The following PI4K2B variants were observed in gnomAD, a reference collection of about 807,000 sequenced individuals.
PI4K2B encodes the protein phosphatidylinositol 4-kinase type 2-beta.
A neutral mutation model predicts 56.6 loss-of-function variants in PI4K2B; 46 were observed. The observed-to-expected ratio is 0.81, with a 90% CI of 0.64 to 1.04. The LOEUF is 1.04. PI4K2B is among the 50% of genes least tolerant of loss of function. The pLI is 0.00. For synonymous variants in PI4K2B, 211 were observed against 223.8 expected, an observed-to-expected ratio of 0.94 and a Z score of 0.51; for missense variants, 556 against 607.7, an observed-to-expected ratio of 0.91 and a Z score of 0.89.
At position 25,249,678 on chromosome 4, in the gene PI4K2B, C is replaced by A. The variant is rs146653748; in HGVS notation, c.269-2643C>A. ...CCAGATGGGGTGGCGGCAGGGCAGACACTCCTGGGTTCCCAGACGGGGTGG... is the reference window on the plus strand; with the variant it reads ...CCAGATGGGGTGGCGGCAGGGCAGAAACTCCTGGGTTCCCAGACGGGGTGG... On this transcript the variant is annotated intron_variant, in intron 1 of 9. Transcript: ENST00000264864. Among the ~76,000 whole-genome samples the A allele has an allele frequency of 0.014, 2,128 of 148,160 alleles. 119 individuals carry two copies. The East Asian group carries it at 0.19, about 13-fold the overall frequency.
chr4:25,270,230 G>C (rs921111328), intron 9 of PI4K2B, among the ~76,000 whole-genome samples: 1 of 152,088 alleles, frequency 6.6e-6, no homozygotes, highest in African/African-American at 2.4e-5. Context: ...TGCTAGAGCA[G>C]TCACTAAATA....
intron 3 of PI4K2B, among the ~76,000 whole-genome samples, 196 bp from the exon 4 acceptor site, chr4:25,256,347 C>T (rs1002515254): frequency 1.3e-5 from 2 of 152,240 alleles, no homozygotes; most frequent in Non-Finnish European, 1.5e-5. Flanking sequence ...TTATACCACT[C>T]TCAGAAAGAA....
intron 9 of PI4K2B, chr4:25,276,747 A>G (rs1577702901): frequency 4.1e-6 from 4 of 985,196 alleles, no homozygotes; most frequent in Non-Finnish European, 3.6e-6. Flanking sequence ...CATAGGCAGG[A>G]TATTCTAGAA....
Position 25,234,289 on chromosome 4 carries a change from C to G in PI4K2B, c.126C>G (p.Ala42=). ...RIAWAHPRRG[A]PGSAVRLLDA... Reference sequence around the variant, plus strand: ...CCTGGGCCCACCCGCGGAGAGGCGCCCCAGGCAGCGCCGTGAGGCTGCTGG... The same window carrying G: ...CCTGGGCCCACCCGCGGAGAGGCGCGCCAGGCAGCGCCGTGAGGCTGCTGG... Residue 42 remains alanine (A), a synonymous_variant, in exon 1 of 10, where the codon GCC becomes GCG. Coordinates refer to ENST00000264864, the MANE Select transcript of PI4K2B (RefSeq NM_018323.4). 1 of 1,420,064 alleles carries G rather than the reference C, an allele frequency of 7.0e-7. No homozygotes were observed. The highest frequency in any genetic ancestry group is 2.6e-5 in the Admixed American group (1 of 39,044). The allele number at this position is 1,420,064 out of a possible 1,614,324, so 88.0% of individuals were successfully genotyped here. A position where few individuals can be genotyped will look rare whatever the true frequency, so the allele number is the denominator to read the frequency against.
rs191719829 is a variant in PI4K2B at position 25,270,204 on chromosome 4, C to T, written c.1272+1001C>T. ...CAATAGATTACTTTTTTTCTTTTTT[C>T]GCGGAATGTGGCTTTTGCTAGAGCA... On this transcript the variant is annotated intron_variant, in intron 9 of 9. Coordinates refer to ENST00000264864, the MANE Select transcript of PI4K2B (RefSeq NM_018323.4). Among the ~76,000 whole-genome samples the T allele has an allele frequency of 3.5e-3, 534 of 151,750 alleles. 2 individuals carry two copies. The highest frequency in any genetic ancestry group is 0.012 in the African/African-American group (515 of 41,468).
chr4:25,277,940 T>C lies in PI4K2B; in HGVS notation c.*753T>C, dbSNP rs573144838. The C allele has an allele frequency of 8.3e-4, 126 of 152,314 alleles. No homozygotes were observed. Among genetic ancestry groups the C allele is most frequent in the African/African-American group, 2.7e-3 (113 of 41,576 alleles). 9.4% of individuals were successfully genotyped at this position (152,314 alleles called of 1,614,324 possible). The stretch of plus-strand genomic sequence containing the variant: ...ATTGCCTTAAAAATTCCCTTCTGTT[T>C]CTTACATGGGATCAAATACTTGAGA... On this transcript the variant is annotated 3_prime_UTR_variant, in exon 10 of 10. Transcript: ENST00000264864.
rs558290372 is a variant in PI4K2B, at chr4:25,243,717, G to A, written c.269-8604G>A. ...TATTTTCTTAAGGCCTCTCGTAGCC[G>A]CTCGAGGAAGGCAGAAGGATTTTCT... On this transcript the variant is annotated intron_variant, in intron 1 of 9. Coordinates refer to ENST00000264864, the MANE Select transcript of PI4K2B (RefSeq NM_018323.4). 1.1e-4 allele frequency among the ~76,000 whole-genome samples: 17 copies of A among 152,292 alleles called. No individual in the cohort carries two copies. In the South Asian group the frequency reaches 2.7e-3, roughly 24 times the overall value.
rs371331161 is a variant in PI4K2B, at chr4:25,257,798, A to G, written c.756+1124A>G. Among the ~76,000 whole-genome samples, 21 of 152,350 alleles carry G rather than the reference A, an allele frequency of 1.4e-4. No individual in the cohort carries two copies. The East Asian group carries it at 2.5e-3, about 18-fold the overall frequency. On this transcript the variant is annotated intron_variant, in intron 4 of 9. Transcript: ENST00000264864. Reference sequence around the variant, plus strand: ...TTAAAAGGCTTGTTCTTCCTTAGACATGCTGAAATAAGTGTGACTAAAGGA... The same window carrying G: ...TTAAAAGGCTTGTTCTTCCTTAGACGTGCTGAAATAAGTGTGACTAAAGGA...
chr4:25,248,510 A>T (rs781605156), intron 1 of PI4K2B, among the ~76,000 whole-genome samples: 1 of 152,234 alleles, frequency 6.6e-6, no homozygotes, highest in East Asian at 1.9e-4. Context: ...GAGATTGGGT[A>T]AGGGTCTTGG....
chr4:25,265,085 C>T (rs527990121), intron 7 of PI4K2B, among the ~76,000 whole-genome samples: 25 of 149,128 alleles, frequency 1.7e-4, no homozygotes, highest in Admixed American at 1.5e-3. Context: ...ATCCCAGCTA[C>T]TCGGGAGGCC....
chr4:25,263,806 T>G lies in PI4K2B; in HGVS notation c.1035T>G (p.Asn345Lys). The change falls in exon 7 of 10, where the codon AAT becomes AAG. Residue 345 changes from asparagine to lysine, a missense_variant. Physicochemically the swap from Asn to Lys is moderately conservative, Grantham distance 94. Coordinates refer to ENST00000264864, the MANE Select transcript of PI4K2B (RefSeq NM_018323.4). ...EFLIKIAAIDNGLAFPFKHPD... is the reference protein window; with the variant it reads ...EFLIKIAAIDKGLAFPFKHPD... ...TTATTAAAATAGCTGCAATTGATAA[T>G]GGTCTAGCATTTCCTTTTAAACATC... 6.5e-7 allele frequency: 1 copy of G among 1,541,336 alleles called. No homozygotes were observed. The highest frequency in any genetic ancestry group is 9.0e-7 in the Non-Finnish European group (1 of 1,115,350).
chr4:25,260,115 A>G (rs1716404521), intron 5 of PI4K2B, among the ~76,000 whole-genome samples: 2 of 152,196 alleles, frequency 1.3e-5, no homozygotes, highest in Admixed American at 6.5e-5. Flanking sequence ...ATATATGTTT[A>G]TAGTCTAGAC....
In PI4K2B at chr4:25,255,113, C is replaced by T; in HGVS notation, c.472C>T (p.Leu158Phe). The T allele has an allele frequency of 6.2e-7, 1 of 1,614,074 alleles. No homozygotes were observed. Among genetic ancestry groups the T allele is most frequent in the South Asian group, 1.1e-5 (1 of 91,068 alleles). ...CAAATCAGAAGAGCCTTATGGTCAA[C>T]TCAATCCAAAATGGACCAAATATGT... ...KPKSEEPYGQ[L>F]NPKWTKYVHK... The change falls in exon 3 of 10, where the codon CTC becomes TTC. Residue 158 changes from leucine to phenylalanine, a missense_variant. Transcript: ENST00000264864.
At chr4:25,256,410 T>C in intron 3 of PI4K2B, 133 bp from the exon 4 acceptor site, 1 of 813,784 alleles carries the variant, frequency 1.2e-6, no homozygotes, top group East Asian at 2.7e-5. Flanking sequence ...CTTTTCTGTT[T>C]TAGATTCTCT....
At chr4:25,258,213 C>CTTTTTTTTTTTTTTTTTTTTTT (rs545122643) in intron 4 of PI4K2B, among the ~76,000 whole-genome samples, 1 of 119,014 alleles carries the variant, frequency 8.4e-6, no homozygotes, top group Non-Finnish European at 1.8e-5. Flanking sequence ...GGAATCTGTC[C>CTTTTTTTTTTTTTTTTTTTTTT]TTTTTTTTTT....
At position 25,269,199 on chromosome 4, in the gene PI4K2B, G is replaced by A. The variant is rs1242918335; in HGVS notation, c.1268G>A (p.Gly423Asp). 1.3e-6 allele frequency: 2 copies of A among 1,531,108 alleles called. No homozygotes were observed. The highest frequency in any genetic ancestry group is 1.8e-6 in the Non-Finnish European group (2 of 1,105,180). The allele number at this position is 1,531,108 out of a possible 1,614,324, so 94.8% of individuals were successfully genotyped here. ...GAAAGTCAGATGTCTGTGATGAGGG[G>A]TCAGGTAAGTTACCTTTTTATTTGT... is the stretch of plus-strand genomic sequence containing the variant. Reference protein sequence around the residue: ...TFESQMSVMRGQILNLTQALR... With the variant: ...TFESQMSVMRDQILNLTQALR... Residue 423 changes from glycine to aspartate, a missense_variant, in exon 9 of 10, where the codon GGT becomes GAT. Transcript: ENST00000264864.
At chr4:25,260,853 C>T (rs1716446661) in intron 6 of PI4K2B, among the ~76,000 whole-genome samples, 1 of 139,878 alleles carries the variant, frequency 7.1e-6, no homozygotes, top group Non-Finnish European at 1.5e-5. Context: ...GTTTACGTTG[C>T]ATTTCTTGAT....
intron 9 of PI4K2B, among the ~76,000 whole-genome samples, chr4:25,275,001 A>G (rs1717045941): frequency 6.6e-6 from 1 of 151,718 alleles, no homozygotes; most frequent in South Asian, 2.1e-4. Flanking sequence ...ATGGGGTTTC[A>G]TCATGTTGGT....
intron 9 of PI4K2B, among the ~76,000 whole-genome samples, chr4:25,273,898 C>T (rs1178563532): frequency 2.6e-5 from 4 of 152,210 alleles, no homozygotes; most frequent in Admixed American, 1.3e-4. Context: ...TTTTGCCCCT[C>T]TCCCTGGGCT....
Sources: gnomAD v4.1 joint callset for allele counts (sites outside exome capture counted in the v4.1 genomes callset) on GRCh38, gnomAD v4.1.1 for gene constraint, MANE v1.5 for transcripts, NCBI Gene and HGNC (gene_info 2026-07-23, HGNC 2026-07-21) for gene names.